TNR: variants seen among roughly 807,000 people sequenced by gnomAD.
The protein encoded by TNR is tenascin R.
TNR carries 45 observed loss-of-function variants against 150.4 expected under a neutral mutation model. The ratio of observed to expected loss-of-function variants is 0.30; its 90% CI spans 0.24 to 0.38. The LOEUF is 0.38. Among genes scored for constraint, TNR ranks in the 10% least tolerant of loss-of-function variants. The pLI is 1.00. For missense variants in TNR, 1,544 were observed against 1,759.1 expected (o/e 0.88, Z 2.19); for synonymous variants, 687 against 678.4 (o/e 1.01, Z -0.20).
chr1:175,495,923 G>A (rs1255084339), intron 2 of TNR, among the ~76,000 whole-genome samples: 6 of 152,298 alleles, frequency 3.9e-5, no homozygotes. Flanking sequence ...TAGAGTCCCT[G>A]AATATTACAT....
intron 1 of TNR, among the ~76,000 whole-genome samples, chr1:175,563,914 C>T (rs914321652): frequency 5.3e-5 from 8 of 152,156 alleles, no homozygotes. Flanking sequence ...CTCACGCCAC[C>T]CTTCTCCAAA....
rs1368347056 is a variant in TNR at position 175,402,674 on chromosome 1, A to G, written c.976+466T>C. On this transcript the variant is annotated intron_variant, in intron 4 of 22. Coordinates refer to ENST00000367674, the MANE Select transcript of TNR (RefSeq NM_003285.3). The stretch of plus-strand genomic sequence containing the variant: ...CCAAGATAATCAGAGAGCCTCACAG[A>G]CCAACCACCATCTCTTGCAGTAGCA... Among the ~76,000 whole-genome samples, 3 of 152,218 alleles carry G rather than the reference A, an allele frequency of 2.0e-5. No homozygotes were observed. In the East Asian group the frequency reaches 5.8e-4, roughly 29 times the overall value.
intron 1 of TNR, among the ~76,000 whole-genome samples, chr1:175,713,797 T>C (rs1322924400): frequency 6.6e-5 from 10 of 152,336 alleles, no homozygotes; most frequent in Non-Finnish European, 1.2e-4. Context: ...CTCCCAGCGC[T>C]GACTAAACTG....
intron 2 of TNR, among the ~76,000 whole-genome samples, chr1:175,457,391 C>CAGGCAGATTGCTAAGCA (rs1656614811): frequency 6.6e-6 from 1 of 152,242 alleles, no homozygotes; most frequent in Non-Finnish European, 1.5e-5. Flanking sequence ...AGGCCACATG[C>CAGGCAGATTGCTAAGCA]AGGCAGATTG....
Position 175,323,539 on chromosome 1 carries a change from A to C in TNR, c.3958-63T>G, listed in dbSNP as rs1649180094. Reference sequence around the variant, plus strand: ...CACCATGGAACGCCCCACTTCAAAAAAGGGGTAATTATGGGAACAGGGAAT... The same window carrying C: ...CACCATGGAACGCCCCACTTCAAAACAGGGGTAATTATGGGAACAGGGAAT... On this transcript the variant is annotated intron_variant, in intron 22 of 22. Coordinates refer to ENST00000367674, the MANE Select transcript of TNR (RefSeq NM_003285.3). 2.5e-6 allele frequency: 4 copies of C among 1,589,260 alleles called. No individual in the cohort carries two copies. In the African/African-American group the frequency reaches 4.0e-5, roughly 16 times the overall value.
intron 1 of TNR, among the ~76,000 whole-genome samples, chr1:175,613,166 T>C (rs1663650866): frequency 6.6e-6 from 1 of 152,172 alleles, no homozygotes. Flanking sequence ...TAAGCAGAGC[T>C]ATCTTTCTAG....
intron 1 of TNR, among the ~76,000 whole-genome samples, chr1:175,720,639 A>G (rs1487409303): frequency 1.3e-5 from 2 of 152,342 alleles, no homozygotes; most frequent in Middle Eastern, 3.4e-3. Flanking sequence ...GCAGTCAAAT[A>G]GAGGTATTCT....
rs747020015 is a variant in TNR at position 175,379,548 on chromosome 1, T to C, written c.1963+4A>G. The C allele has an allele frequency of 6.2e-7, 1 of 1,612,168 alleles. No individual in the cohort carries two copies. Among genetic ancestry groups the C allele is most frequent in the South Asian group, 1.1e-5 (1 of 90,924 alleles). On this transcript the variant is annotated splice_donor_region_variant and intron_variant, in intron 9 of 22. Transcript: ENST00000367674. The stretch of plus-strand genomic sequence containing the variant: ...CATAACCCCAAGAGATAGGTCTTAC[T>C]CACCTGTCAGGGTGGCCCTGGTGGT...
At chr1:175,325,736 G>A (rs1649343929) in intron 21 of TNR, among the ~76,000 whole-genome samples, 1 of 152,174 alleles carries the variant, frequency 6.6e-6, no homozygotes, top group Non-Finnish European at 1.5e-5. Context: ...GATGAAGCTG[G>A]AAACCATCAT....
At position 175,391,363 on chromosome 1, in the gene TNR, C is replaced by T. The variant is rs1348604528; in HGVS notation, c.1432G>A (p.Glu478Lys). The change falls in exon 7 of 23, where the codon GAG becomes AAG. Residue 478 changes from glutamate to lysine, a missense_variant. Physicochemically the swap from Glu to Lys is moderately conservative, Grantham distance 56 (BLOSUM62 1). Coordinates refer to ENST00000367674, the MANE Select transcript of TNR (RefSeq NM_003285.3). ...SFNQTGLKPG[E>K]EYIVNVVALK... Reference sequence around the variant, plus strand: ...GCCACCACATTGACAATGTATTCCTCCCCAGGCTTTAGTCCTGTCTGGTTA... The same window carrying T: ...GCCACCACATTGACAATGTATTCCTTCCCAGGCTTTAGTCCTGTCTGGTTA... The T allele has an allele frequency of 3.1e-6, 5 of 1,614,150 alleles. No individual in the cohort carries two copies. Among genetic ancestry groups the T allele is most frequent in the Admixed American group, 1.7e-5 (1 of 60,028 alleles).
chr1:175,641,377 T>C (rs1256505543), intron 1 of TNR, among the ~76,000 whole-genome samples: 3 of 152,158 alleles, frequency 2.0e-5, no homozygotes, highest in African/African-American at 4.8e-5. Context: ...TGGTTTGCAT[T>C]GTTCATAAGA....
At chr1:175,570,443 T>A (rs746839491) in intron 1 of TNR, among the ~76,000 whole-genome samples, 1 of 152,180 alleles carries the variant, frequency 6.6e-6, no homozygotes, top group Admixed American at 6.5e-5. Context: ...GGGGTGTTCA[T>A]GTGCAGGGTA....
chr1:175,730,017 C>T (rs1667592885), intron 1 of TNR, among the ~76,000 whole-genome samples: 1 of 152,196 alleles, frequency 6.6e-6, no homozygotes, highest in South Asian at 2.1e-4. Context: ...AGATCTCATG[C>T]CTAAGGTACT....
intron 4 of TNR, among the ~76,000 whole-genome samples, chr1:175,397,643 C>T (rs1422041055): frequency 6.6e-6 from 1 of 152,168 alleles, no homozygotes; most frequent in African/African-American, 2.4e-5. Context: ...TTTTAAAGAC[C>T]ACTTATGTTC....
chr1:175,602,988 A>C (rs1486405442), intron 1 of TNR, among the ~76,000 whole-genome samples: 1 of 152,214 alleles, frequency 6.6e-6, no homozygotes, highest in African/African-American at 2.4e-5. Flanking sequence ...CCTAGAATAA[A>C]GGAGGAAAAA....
At chr1:175,694,671 G>T (rs896277326) in intron 1 of TNR, among the ~76,000 whole-genome samples, 1 of 152,152 alleles carries the variant, frequency 6.6e-6, no homozygotes, top group Non-Finnish European at 1.5e-5. Context: ...TGGAGATAGG[G>T]ACTTTAATGA....
intron 9 of TNR, among the ~76,000 whole-genome samples, chr1:175,372,666 A>AGTAGTAGTAGTAGTAGTAGT (rs1268325454): frequency 3.3e-5 from 5 of 152,226 alleles, no homozygotes; most frequent in Non-Finnish European, 7.3e-5. Context: ...CTAGCAGGGA[A>AGTAGTAGTAGTAGTAGTAGT]AGTGGTAGGG....
chr1:175,469,544 T>G (rs1262705663), intron 2 of TNR, among the ~76,000 whole-genome samples: 1 of 151,960 alleles, frequency 6.6e-6, no homozygotes, highest in Non-Finnish European at 1.5e-5. Context: ...GGGTTAGCAC[T>G]TCCCAACTGT....
intron 1 of TNR, among the ~76,000 whole-genome samples, chr1:175,572,214 G>A (rs1328693818): frequency 6.6e-6 from 1 of 152,150 alleles, no homozygotes; most frequent in Non-Finnish European, 1.5e-5. Context: ...GCCTCAGTTG[G>A]CTTAAAGAGT....
Sources: allele counts gnomAD v4.1 joint callset (sites outside exome capture counted in the v4.1 genomes callset), GRCh38; gene constraint gnomAD v4.1.1; transcripts MANE v1.5; gene names NCBI Gene and HGNC (gene_info 2026-07-23, HGNC 2026-07-21).